The following JAK1 variants were observed in gnomAD, a reference collection of about 807,000 sequenced individuals.
JAK1 encodes the protein tyrosine-protein kinase JAK1.
Under a neutral mutation model 136.6 loss-of-function variants are expected in JAK1, and 16 were observed. The observed-to-expected ratio is 0.12, with a 90% confidence interval of 0.08 to 0.18. The LOEUF is 0.18. Ranked by LOEUF, JAK1 falls within the 10% of genes least tolerant of loss-of-function variation. The pLI, the probability that JAK1 is intolerant of heterozygous loss-of-function variation, is 1.00. For missense variants in JAK1, 859 were observed against 1,450.1 expected, an observed-to-expected ratio of 0.59 and a Z score of 6.62; for synonymous variants, 492 against 519.5, an observed-to-expected ratio of 0.95 and a Z score of 0.72.
At chr1:64,917,523 G>A (rs1386447897) in intron 1 of JAK1, among the ~76,000 whole-genome samples, 1 of 152,144 alleles carries the variant, frequency 6.6e-6, no homozygotes, top group Non-Finnish European at 1.5e-5. Context: ...TGTGAGCAGG[G>A]CAACTTGAGG....
At chr1:64,841,852 T>C (rs191435599) in intron 17 of JAK1, among the ~76,000 whole-genome samples, 246 of 152,364 alleles carry the variant, frequency 1.6e-3, no homozygotes, top group Non-Finnish European at 3.2e-3. Flanking sequence ...AGTAAAGGCA[T>C]GCAGCCTTTC....
intron 2 of JAK1, chr1:64,974,227 G>A (rs1646478934): frequency 1.3e-5 from 2 of 152,132 alleles, no homozygotes; most frequent in South Asian, 2.1e-4. Context: ...CCCAACTTCT[G>A]TAGAACATCA....
chr1:65,056,150 T>C (rs1038925802), intron 1 of JAK1, among the ~76,000 whole-genome samples: 8 of 152,222 alleles, frequency 5.3e-5, no homozygotes, highest in African/African-American at 1.9e-4. Flanking sequence ...TGTCAGAAAT[T>C]CCTTTTAAGA....
intron 1 of JAK1, among the ~76,000 whole-genome samples, chr1:64,959,829 A>G (rs908868596): frequency 6.6e-6 from 1 of 152,176 alleles, no homozygotes; most frequent in Non-Finnish European, 1.5e-5. Context: ...TATATCTGTT[A>G]GTTTTTGTTT....
At chr1:65,018,833 AC>A (rs1388283891) in intron 2 of JAK1, among the ~76,000 whole-genome samples, 1 of 151,934 alleles carries the variant, frequency 6.6e-6, no homozygotes, top group Admixed American at 6.6e-5. Context: ...ACACGGTGAA[AC>A]CCCGTCTCTA....
Position 64,866,874 on chromosome 1 carries a change from T to C in JAK1, c.982A>G (p.Lys328Glu), listed in dbSNP as rs779248724. The change falls in exon 7 of 25, where the codon AAA (lysine) becomes GAA (glutamate). Residue 328 changes from lysine to glutamate, a missense_variant. Coordinates refer to ENST00000342505, the MANE Select transcript of JAK1 (RefSeq NM_002227.4). Reference sequence around the variant, plus strand: ...TGCCAACAGCCACTTACATTTGGTTTATGCCTCCACTGGATTCCAAGATTC... The same window carrying C: ...TGCCAACAGCCACTTACATTTGGTTCATGCCTCCACTGGATTCCAAGATTC... ...TGNLGIQWRH[K>E]PNVVSVEKEK... 6.2e-7 allele frequency: 1 copy of C among 1,609,756 alleles called. No individual in the cohort carries two copies. Among genetic ancestry groups the C allele is most frequent in the South Asian group, 1.1e-5 (1 of 90,824 alleles).
chr1:65,063,935 T>C (rs541414413), intron 1 of JAK1, among the ~76,000 whole-genome samples: 5 of 152,140 alleles, frequency 3.3e-5, no homozygotes, highest in Non-Finnish European at 7.4e-5. Context: ...AATTCTCTAG[T>C]AGCCACACTA....
chr1:65,019,087 A>T (rs1646916189), intron 2 of JAK1, among the ~76,000 whole-genome samples: 1 of 152,198 alleles, frequency 6.6e-6, no homozygotes, highest in African/African-American at 2.4e-5. Context: ...AAATAAGTTG[A>T]ATCGTTTACA....
intron 20 of JAK1, among the ~76,000 whole-genome samples, chr1:64,839,021 C>G (rs1179345268): frequency 6.6e-6 from 1 of 150,774 alleles, no homozygotes; most frequent in Non-Finnish European, 1.5e-5. Flanking sequence ...TGGCGGGCGC[C>G]TGTAGTCCCA....
intron 2 of JAK1, among the ~76,000 whole-genome samples, chr1:65,001,294 C>T (rs1442027161): frequency 6.6e-6 from 1 of 152,232 alleles, no homozygotes; most frequent in Non-Finnish European, 1.5e-5. Context: ...CACTGGGCTG[C>T]AGTGATTCCC....
chr1:64,962,003 G>T (rs893636749), intron 1 of JAK1, among the ~76,000 whole-genome samples: 1 of 152,150 alleles, frequency 6.6e-6, no homozygotes, highest in Non-Finnish European at 1.5e-5. Context: ...ATAACAAGGG[G>T]AAGCTACTTC....
At chr1:64,853,201 G>C (rs1420501755) in intron 11 of JAK1, among the ~76,000 whole-genome samples, 1 of 152,184 alleles carries the variant, frequency 6.6e-6, no homozygotes, top group Admixed American at 6.5e-5. Flanking sequence ...ATTTGCACAT[G>C]GCAAAGGGAA....
At chr1:64,903,033 G>A (rs1645135642) in intron 1 of JAK1, among the ~76,000 whole-genome samples, 1 of 152,062 alleles carries the variant, frequency 6.6e-6, no homozygotes, top group Non-Finnish European at 1.5e-5. Context: ...AACATGGTTG[G>A]TAAGGACAAA....
intron 2 of JAK1, among the ~76,000 whole-genome samples, chr1:65,043,546 G>GTTTTTT (rs1557771693): frequency 6.6e-6 from 1 of 151,566 alleles, no homozygotes; most frequent in African/African-American, 2.4e-5. Context: ...TTTGTTTTTT[G>GTTTTTT]TTTTTGAGAC....
At chr1:64,866,403 C>T (rs1377564658) in intron 7 of JAK1, among the ~76,000 whole-genome samples, 2 of 152,202 alleles carry the variant, frequency 1.3e-5, no homozygotes, top group East Asian at 1.9e-4. Context: ...GTCAATTTCA[C>T]GGAGCCAGAG....
intron 1 of JAK1, among the ~76,000 whole-genome samples, chr1:65,059,168 G>A (rs1647682389): frequency 6.6e-6 from 1 of 150,476 alleles, no homozygotes; most frequent in African/African-American, 2.4e-5. Flanking sequence ...AAACTTAGGT[G>A]ATTTGCCAGA....
At chr1:65,017,463 G>C (rs1040803501) in intron 2 of JAK1, among the ~76,000 whole-genome samples, 1 of 151,942 alleles carries the variant, frequency 6.6e-6, no homozygotes, top group Non-Finnish European at 1.5e-5. Flanking sequence ...GAGAGACTCT[G>C]TCTCAAAAAA....
intron 20 of JAK1, among the ~76,000 whole-genome samples, chr1:64,839,285 C>A (rs533509265): frequency 6.6e-6 from 1 of 152,024 alleles, no homozygotes; most frequent in East Asian, 1.9e-4. Flanking sequence ...AATGAAATAC[C>A]CTGGCTAGTA....
intron 1 of JAK1, among the ~76,000 whole-genome samples, chr1:64,946,285 A>G (rs1557714839): frequency 6.6e-6 from 1 of 152,076 alleles, no homozygotes; most frequent in Non-Finnish European, 1.5e-5. Context: ...ACCACCTACC[A>G]CTGGCTATGT....
Sources: allele counts gnomAD v4.1 joint callset (sites outside exome capture counted in the v4.1 genomes callset), GRCh38; gene constraint gnomAD v4.1.1; transcripts MANE v1.5; gene names NCBI Gene and HGNC (gene_info 2026-07-23, HGNC 2026-07-21).